Variants in SH3BP2 observed in about 807,000 individuals in gnomAD.
The protein encoded by SH3BP2 is SH3 domain-binding protein 2.
Under a neutral mutation model 56.2 loss-of-function variants are expected in SH3BP2, and 38 were observed. The ratio of observed to expected loss-of-function variants is 0.68; its 90% CI spans 0.52 to 0.89. The LOEUF is 0.89. Ranked by LOEUF, SH3BP2 falls within the 40% of genes least tolerant of loss-of-function variation. The pLI is 0.00. For synonymous variants in SH3BP2, 346 were observed against 316.7 expected (o/e 1.09, Z -0.98); for missense variants, 748 against 762.6 (o/e 0.98, Z 0.23).
In SH3BP2 at chr4:2,824,181, T is replaced by A. The variant is rs1225108117; in HGVS notation, c.240-432T>A. On this transcript the variant is annotated intron_variant, in intron 3 of 12. Coordinates refer to ENST00000503393, the MANE Select transcript of SH3BP2 (RefSeq NM_001122681.2). ...AAACCCCACATCCTGGCTGTGTGAGTGGGCCGCAGAGCAGGCACGAGTCAT... is the reference window on the plus strand; with the variant it reads ...AAACCCCACATCCTGGCTGTGTGAGAGGGCCGCAGAGCAGGCACGAGTCAT... Among the ~76,000 whole-genome samples the A allele has an allele frequency of 1.1e-4, 17 of 152,000 alleles. No homozygotes were observed. The South Asian group carries it at 3.1e-3, about 28-fold the overall frequency.
chr4:2,802,164 C>T (rs1723307320), intron 1 of SH3BP2, among the ~76,000 whole-genome samples: 1 of 151,998 alleles, frequency 6.6e-6, no homozygotes, highest in Non-Finnish European at 1.5e-5. Flanking sequence ...TTTGGGAGGC[C>T]GAGGCCGGCA....
At chr4:2,833,408 G>A in intron 12 of SH3BP2, 1 of 580,416 alleles carries the variant, frequency 1.7e-6, no homozygotes, top group East Asian at 2.9e-5. Flanking sequence ...CACAGTGCTG[G>A]GATTACAGGC....
At chr4:2,830,442 A>G (rs543255242) in intron 8 of SH3BP2, among the ~76,000 whole-genome samples, 3 of 152,112 alleles carry the variant, frequency 2.0e-5, no homozygotes, top group East Asian at 1.9e-4. Context: ...GCTCACTGCA[A>G]CCTCCACCTC....
chr4:2,802,414 G>GTGTGTGTGTC (rs1723323287), intron 1 of SH3BP2, among the ~76,000 whole-genome samples: 1 of 147,762 alleles, frequency 6.8e-6, no homozygotes, highest in African/African-American at 2.6e-5. Flanking sequence ...ATGTGTGTGT[G>GTGTGTGTGTC]TGTGTGTGTG....
At chr4:2,824,438 G>A (rs1020104712) in intron 3 of SH3BP2, among the ~76,000 whole-genome samples, 175 bp from the exon 4 acceptor site, 8 of 152,020 alleles carry the variant, frequency 5.3e-5, no homozygotes, top group Non-Finnish European at 1.0e-4. Flanking sequence ...GCCCCCTTAC[G>A]CCTGCCTGGG....
intron 2 of SH3BP2, 44 bp from the exon 3 acceptor site, chr4:2,822,891 C>A: frequency 1.3e-6 from 2 of 1,497,524 alleles, no homozygotes; most frequent in Non-Finnish European, 1.9e-6. Context: ...GTCTTGGCAG[C>A]TGCCCCTCCA....
At chr4:2,828,212 C>CT (rs1377525572) in intron 7 of SH3BP2, among the ~76,000 whole-genome samples, 1 of 150,900 alleles carries the variant, frequency 6.6e-6, no homozygotes, top group Non-Finnish European at 1.5e-5. Flanking sequence ...CCCTTCCTCC[C>CT]TCCCTATTGT....
rs1400473064 is a variant in SH3BP2 at position 2,839,448 on chromosome 4, G to A, written c.*5614G>A. ...GCCTCCCAAAGTTGGGATTATAGGC[G>A]TGAGCTACCAGATTTTTTCTTATTA... On this transcript the variant is annotated 3_prime_UTR_variant, in exon 13 of 13. Coordinates refer to ENST00000503393, the MANE Select transcript of SH3BP2 (RefSeq NM_001122681.2). The A allele has an allele frequency of 2.0e-5, 3 of 152,184 alleles. No individual in the cohort carries two copies. Among genetic ancestry groups the A allele is most frequent in the South Asian group, 2.1e-4 (1 of 4,830 alleles). The allele number at this position is 152,184 out of a possible 1,614,324, so 9.4% of individuals were successfully genotyped here.
At position 2,829,400 on chromosome 4, in the gene SH3BP2, G is replaced by C. The variant is rs1724848788; in HGVS notation, c.587-93G>C. 16 of 1,343,836 alleles carry C rather than the reference G, an allele frequency of 1.2e-5. No individual in the cohort carries two copies. Among genetic ancestry groups the C allele is most frequent in the Non-Finnish European group, 1.7e-5 (16 of 936,146 alleles). The allele number at this position is 1,343,836 out of a possible 1,614,324, so 83.2% of individuals were successfully genotyped here. A position where few individuals can be genotyped will look rare whatever the true frequency, so the allele number is the denominator to read the frequency against. On this transcript the variant is annotated intron_variant, in intron 7 of 12. Coordinates refer to ENST00000503393, the MANE Select transcript of SH3BP2 (RefSeq NM_001122681.2). The surrounding 1 kb of genome is among the most constrained non-coding windows in gnomAD (Gnocchi z 4.9). ...CTGTGGGGTGGGCCTACCATGGGTT[G>C]CACTCCTGGTTGGCCTGGCTGACCA...
At position 2,799,611 on chromosome 4, in the gene SH3BP2, G is replaced by A. The variant is rs142240317; in HGVS notation, c.-5+6473G>A. Among the ~76,000 whole-genome samples the A allele has an allele frequency of 8.2e-3, 1,254 of 152,326 alleles. 10 individuals are homozygous for A. Among genetic ancestry groups the A allele is most frequent in the Non-Finnish European group, 0.014 (950 of 68,018 alleles). ...CTTGCCCCATGCCAGGGTTCCTGCC[G>A]GCTGGCATCAAGGGGACAGCTATTC... On this transcript the variant is annotated intron_variant, in intron 1 of 12. Coordinates refer to ENST00000503393, the MANE Select transcript of SH3BP2 (RefSeq NM_001122681.2).
intron 7 of SH3BP2, among the ~76,000 whole-genome samples, chr4:2,828,861 C>T (rs770237410): frequency 2.6e-5 from 4 of 152,178 alleles, no homozygotes; most frequent in South Asian, 2.1e-4. Flanking sequence ...GTCCTCCAGG[C>T]GCCCCGTGCT....
At chr4:2,826,089 G>A (rs1331740025) in intron 5 of SH3BP2, among the ~76,000 whole-genome samples, 4 of 152,260 alleles carry the variant, frequency 2.6e-5, no homozygotes, top group Non-Finnish European at 5.9e-5. Flanking sequence ...GCCCAGAGTC[G>A]CCCAAGCCCT....
intron 1 of SH3BP2, chr4:2,818,462 C>CG: frequency 1.1e-6 from 1 of 878,156 alleles, no homozygotes. Context: ...CCCCGCACCC[C>CG]GAGCCCCTGG....
chr4:2,801,237 G>A (rs961112052), intron 1 of SH3BP2, among the ~76,000 whole-genome samples: 38 of 151,894 alleles, frequency 2.5e-4, no homozygotes, highest in Non-Finnish European at 5.6e-4. Context: ...TCTCTGAACA[G>A]TGGAGCGTTG....
chr4:2,831,365 C>G lies in SH3BP2; in HGVS notation c.1242-206C>G, dbSNP rs1290303705. ...TCCATGGCAGCCCTGACCCCTGACT[C>G]CGGTGTCGGGCGATTCCTGCTGTCC... On this transcript the variant is annotated intron_variant, in intron 8 of 12. Transcript: ENST00000503393. This position sits in a 1 kb window ranked among gnomAD's most constrained non-coding sequence, Gnocchi z 4.1. Among the ~76,000 whole-genome samples the G allele has an allele frequency of 6.6e-6, 1 of 152,210 alleles. No individual in the cohort carries two copies. Among genetic ancestry groups the G allele is most frequent in the Non-Finnish European group, 1.5e-5 (1 of 68,040 alleles).
intron 2 of SH3BP2, among the ~76,000 whole-genome samples, chr4:2,821,094 G>A (rs556196458): frequency 1.4e-4 from 22 of 152,278 alleles, no homozygotes; most frequent in Non-Finnish European, 2.6e-4. Context: ...TGGTCACTTC[G>A]CCCACAGTGA....
chr4:2,815,128 C>G (rs1463191185), intron 1 of SH3BP2, among the ~76,000 whole-genome samples: 1 of 152,214 alleles, frequency 6.6e-6, no homozygotes, highest in Non-Finnish European at 1.5e-5. Flanking sequence ...ATGGTCACCA[C>G]GGCCTCCATG....
rs1178199345 is a variant in SH3BP2 at position 2,836,225 on chromosome 4, G to A, written c.*2391G>A. On this transcript the variant is annotated 3_prime_UTR_variant, in exon 13 of 13. Transcript: ENST00000503393. ...AGCACAGCTGTCCACGTCTGTGTGAGCTGCTCTAGGCCGAGGGCCTCAGTT... is the reference window on the plus strand; with the variant it reads ...AGCACAGCTGTCCACGTCTGTGTGAACTGCTCTAGGCCGAGGGCCTCAGTT... The A allele has an allele frequency of 6.6e-6, 1 of 152,272 alleles. No individual in the cohort carries two copies. Among genetic ancestry groups the A allele is most frequent in the African/African-American group, 2.4e-5 (1 of 41,452 alleles). The allele number at this position is 152,272 out of a possible 1,614,324, so 9.4% of individuals were successfully genotyped here.
chr4:2,812,576 T>G (rs939105248), intron 1 of SH3BP2: 17 of 1,433,592 alleles, frequency 1.2e-5, no homozygotes, highest in Non-Finnish European at 1.2e-5. Context: ...ACAGCCTTCC[T>G]CGGGGCTGGC....
Sources: allele counts gnomAD v4.1 joint callset (sites outside exome capture counted in the v4.1 genomes callset), GRCh38; gene constraint gnomAD v4.1.1; non-coding constraint Gnocchi (gnomAD v3.1); transcripts MANE v1.5; gene names NCBI Gene and HGNC (gene_info 2026-07-23, HGNC 2026-07-21).